Variants in RUFY2 observed in about 807,000 individuals in gnomAD.
The protein encoded by RUFY2 is RUN and FYVE domain-containing protein 2.
RUFY2 carries 49 observed loss-of-function variants against 94.4 expected under a neutral mutation model. The observed-to-expected ratio is 0.52, with a 90% CI of 0.41 to 0.66. The LOEUF is 0.66. Ranked by LOEUF, RUFY2 falls within the 30% of genes least tolerant of loss-of-function variation. RUFY2 has a pLI of 0.00. For synonymous variants in RUFY2, 255 were observed against 235.7 expected, an observed-to-expected ratio of 1.08 and a Z score of -0.75; for missense variants, 541 against 692.8, an observed-to-expected ratio of 0.78 and a Z score of 2.46.
At chr10:68,376,473 T>TATATATATAA (rs2048671891) in intron 13 of RUFY2, among the ~76,000 whole-genome samples, 1 of 41,440 alleles carries the variant, frequency 2.4e-5, no homozygotes, top group Non-Finnish European at 4.8e-5. Context: ...TATATATATA[T>TATATATATAA]ATATATATAT....
intron 7 of RUFY2, among the ~76,000 whole-genome samples, chr10:68,387,182 C>CCTGGT (rs1465073078): frequency 6.6e-6 from 1 of 151,976 alleles, no homozygotes; most frequent in Non-Finnish European, 1.5e-5. Context: ...CATGGTGAAA[C>CCTGGT]CTGGTCTCTA....
intron 16 of RUFY2, among the ~76,000 whole-genome samples, chr10:68,350,038 C>T (rs2046556970): frequency 6.6e-6 from 1 of 151,916 alleles, no homozygotes; most frequent in African/African-American, 2.4e-5. Flanking sequence ...TAGATGGAGT[C>T]TCGCTCTGTC....
chr10:68,395,021 A>G (rs1445380836), intron 4 of RUFY2, among the ~76,000 whole-genome samples: 1 of 151,964 alleles, frequency 6.6e-6, no homozygotes, highest in Admixed American at 6.6e-5. Context: ...GAGAGAGAGA[A>G]AAGAGGAGCA....
intron 15 of RUFY2, among the ~76,000 whole-genome samples, chr10:68,362,384 T>G (rs1420542782): frequency 1.3e-5 from 2 of 152,188 alleles, no homozygotes; most frequent in Non-Finnish European, 2.9e-5. Flanking sequence ...ATTTTAAATG[T>G]GGCAGTGGTA....
At chr10:68,405,313 C>CAAA (rs386371709) in intron 1 of RUFY2, 6,015 of 171,070 alleles carry the variant, frequency 0.035, 77 homozygotes, top group South Asian at 0.047. Context: ...CTCCGTCTCA[C>CAAA]AAAAAAAAAA....
At chr10:68,391,229 C>G (rs2049959311) in intron 7 of RUFY2, among the ~76,000 whole-genome samples, 1 of 151,982 alleles carries the variant, frequency 6.6e-6, no homozygotes, top group African/African-American at 2.4e-5. Context: ...AGACATCGTG[C>G]CTGTACCCTA....
chr10:68,361,141 G>A (rs1013228806), intron 15 of RUFY2, among the ~76,000 whole-genome samples: 1 of 151,738 alleles, frequency 6.6e-6, no homozygotes, highest in African/African-American at 2.4e-5. Context: ...AGGTGTGGTG[G>A]TGGGCGCCAG....
At chr10:68,376,442 G>GTATATATATATATATATA (rs764172830) in intron 13 of RUFY2, among the ~76,000 whole-genome samples, 4 of 27,934 alleles carry the variant, frequency 1.4e-4, no homozygotes, top group African/African-American at 2.2e-4. Flanking sequence ...AAAAATGTGT[G>GTATATATATATATATATA]TATATATATA....
intron 15 of RUFY2, among the ~76,000 whole-genome samples, chr10:68,360,472 G>A (rs778353107): frequency 9.9e-5 from 15 of 151,998 alleles, no homozygotes; most frequent in Middle Eastern, 3.4e-3. Flanking sequence ...GGCCAGGTGC[G>A]GTGGCTCACG....
At chr10:68,360,425 T>C (rs779210986) in intron 15 of RUFY2, among the ~76,000 whole-genome samples, 10 of 151,726 alleles carry the variant, frequency 6.6e-5, no homozygotes, top group Non-Finnish European at 1.3e-4. Flanking sequence ...AGTGAGACTC[T>C]GTCTCTATTT....
At chr10:68,378,151 A>G (rs1024499247) in intron 12 of RUFY2, 1 of 986,664 alleles carries the variant, frequency 1.0e-6, no homozygotes, top group Admixed American at 6.1e-5. Context: ...ATTATTTTAA[A>G]GCATATGTAA....
intron 4 of RUFY2, among the ~76,000 whole-genome samples, chr10:68,396,500 G>A (rs1182277977): frequency 6.6e-6 from 1 of 151,976 alleles, no homozygotes; most frequent in Non-Finnish European, 1.5e-5. Context: ...TTTCCAGGCA[G>A]GGCAAAAGAA....
intron 1 of RUFY2, 105 bp downstream of exon 1, chr10:68,407,081 C>G: frequency 1.3e-6 from 2 of 1,496,730 alleles, no homozygotes; most frequent in Non-Finnish European, 1.8e-6. Flanking sequence ...CCAGTTCCGA[C>G]TGGCGGCCTC....
rs1206450644 is a variant in RUFY2 at position 68,355,391 on chromosome 10, T to G, written c.1561A>C (p.Lys521Gln). 1.9e-6 allele frequency: 3 copies of G among 1,608,002 alleles called. No individual in the cohort carries two copies. The highest frequency in any genetic ancestry group is 2.6e-6 in the Non-Finnish European group (3 of 1,174,956). The change falls in exon 16 of 18, where the codon AAA becomes CAA. Residue 521 changes from lysine (K) to glutamine (Q), a missense_variant. This residue lies in a region of RUFY2 where 403 missense variants were observed against 480.7 expected (regional missense o/e 0.84). Transcript: ENST00000602465. ...LGNKLSESKLKIEDIKEANKA... is the reference protein window; with the variant it reads ...LGNKLSESKLQIEDIKEANKA... ...TTGGCTTCTTTTATGTCTTCAATTT[T>G]AAGTTTTGATCTAAAAAGATTACAA... is the stretch of plus-strand genomic sequence containing the variant.
intron 7 of RUFY2, among the ~76,000 whole-genome samples, chr10:68,389,584 T>G (rs2049822893): frequency 1.3e-5 from 2 of 151,240 alleles, no homozygotes; most frequent in African/African-American, 2.4e-5. Flanking sequence ...AGCGAAACTC[T>G]GTCTCGAAAA....
intron 7 of RUFY2, among the ~76,000 whole-genome samples, chr10:68,389,191 GC>G (rs1446652884): frequency 6.6e-6 from 1 of 152,252 alleles, no homozygotes; most frequent in East Asian, 1.9e-4. Flanking sequence ...GCGCCACTGA[GC>G]CCGGTGCAAT....
intron 16 of RUFY2, among the ~76,000 whole-genome samples, chr10:68,352,334 G>A (rs575537779): frequency 1.3e-5 from 2 of 152,008 alleles, no homozygotes; most frequent in Non-Finnish European, 2.9e-5. Context: ...ATGTGTTGCC[G>A]AAAATAAGGG....
intron 10 of RUFY2, among the ~76,000 whole-genome samples, chr10:68,381,743 G>A (rs1033271881): frequency 3.3e-5 from 5 of 152,164 alleles, no homozygotes; most frequent in African/African-American, 1.2e-4. Context: ...AGCTACCAGA[G>A]AGGCTGAGGT....
chr10:68,376,823 A>T, intron 13 of RUFY2, 30 bp downstream of exon 13: 1 of 1,601,888 alleles, frequency 6.2e-7, no homozygotes, highest in Non-Finnish European at 8.5e-7. Flanking sequence ...TGTTAACACA[A>T]GTATTTGTTT....
Sources: allele counts gnomAD v4.1 joint callset (sites outside exome capture counted in the v4.1 genomes callset), GRCh38; gene constraint gnomAD v4.1.1; regional missense constraint gnomAD v4.1.1; transcripts MANE v1.5; gene names NCBI Gene and HGNC (gene_info 2026-07-23, HGNC 2026-07-21).